The following LHFPL2 variants were observed in gnomAD, a reference collection of about 807,000 sequenced individuals.
The protein encoded by LHFPL2 is LHFPL tetraspan subfamily member 2, also known as LHFPL tetraspan subfamily member 2 protein.
In LHFPL2, 7 loss-of-function variants were observed where a neutral mutation model predicts 17.5. The observed-to-expected ratio is 0.40, with a 90% CI of 0.23 to 0.75. LHFPL2 has a LOEUF of 0.75. Ranked by LOEUF, LHFPL2 falls within the 30% of genes least tolerant of loss-of-function variation. The pLI is 0.37. For missense variants in LHFPL2, 241 were observed against 294.8 expected, an observed-to-expected ratio of 0.82 and a Z score of 1.34; for synonymous variants, 134 against 116.2, an observed-to-expected ratio of 1.15 and a Z score of -0.99.
intron 3 of LHFPL2, among the ~76,000 whole-genome samples, chr5:78,533,264 G>A (rs1466065683): frequency 2.0e-5 from 3 of 152,162 alleles, no homozygotes; most frequent in Admixed American, 1.3e-4. Context: ...TAGAGGCTGA[G>A]GAGCACTGAA....
chr5:78,586,606 T>A (rs1428107823), intron 2 of LHFPL2, among the ~76,000 whole-genome samples: 1 of 152,144 alleles, frequency 6.6e-6, no homozygotes, highest in Non-Finnish European at 1.5e-5. Context: ...CTTGGCATGG[T>A]TTCAGTGTCC....
chr5:78,597,512 T>C (rs909801567), intron 2 of LHFPL2, among the ~76,000 whole-genome samples: 1 of 152,178 alleles, frequency 6.6e-6, no homozygotes, highest in African/African-American at 2.4e-5. Flanking sequence ...TGATTCAACA[T>C]GACGTAAGAG....
intron 1 of LHFPL2, among the ~76,000 whole-genome samples, chr5:78,645,592 A>ACACAT (rs71001119): frequency 7.7e-6 from 1 of 130,048 alleles, no homozygotes; most frequent in South Asian, 2.5e-4. Context: ...ACACACACAC[A>ACACAT]TTTTTTTTGA....
At chr5:78,528,233 G>A (rs1372460387) in intron 3 of LHFPL2, among the ~76,000 whole-genome samples, 2 of 152,058 alleles carry the variant, frequency 1.3e-5, no homozygotes, top group East Asian at 1.9e-4. Flanking sequence ...CTCCTTTATC[G>A]CAGGGGTCCC....
At chr5:78,534,820 A>C (rs1204677230) in intron 3 of LHFPL2, among the ~76,000 whole-genome samples, 2 of 152,224 alleles carry the variant, frequency 1.3e-5, no homozygotes, top group Non-Finnish European at 2.9e-5. Flanking sequence ...CCGTCCTGGC[A>C]AAACTCCCCG....
chr5:78,524,630 T>C (rs886265863), intron 3 of LHFPL2, among the ~76,000 whole-genome samples: 1 of 151,460 alleles, frequency 6.6e-6, no homozygotes, highest in African/African-American at 2.4e-5. Context: ...TAGCCCCAGC[T>C]GCTCAGGAGG....
intron 1 of LHFPL2, among the ~76,000 whole-genome samples, chr5:78,639,481 G>A (rs981801891): frequency 1.7e-4 from 26 of 152,304 alleles, no homozygotes; most frequent in African/African-American, 5.8e-4. Flanking sequence ...ATGAATCCAT[G>A]CAGAGTCAGT....
chr5:78,603,602 G>A lies in LHFPL2; in HGVS notation c.-245+28662C>T, dbSNP rs752174955. Reference sequence around the variant, plus strand: ...ATCTACTTAAAGATGTTTGCTGGCCGGGCATGGTGGCCCATGCCTATATTC... The same window carrying A: ...ATCTACTTAAAGATGTTTGCTGGCCAGGCATGGTGGCCCATGCCTATATTC... On this transcript the variant is annotated intron_variant, in intron 2 of 4. Transcript: ENST00000380345. Among the ~76,000 whole-genome samples, 138 of 152,328 alleles carry A rather than the reference G, an allele frequency of 9.1e-4. 2 individuals are homozygous for A. The highest frequency in any genetic ancestry group is 1.9e-3 in the Non-Finnish European group (126 of 68,026).
intron 2 of LHFPL2, among the ~76,000 whole-genome samples, chr5:78,573,391 T>G (rs1050027569): frequency 7.2e-5 from 11 of 152,228 alleles, no homozygotes; most frequent in African/African-American, 2.7e-4. Flanking sequence ...GTGGTTAGCT[T>G]TTAAGTTTGC....
intron 2 of LHFPL2, among the ~76,000 whole-genome samples, chr5:78,572,498 GTATATATATATATACACACACA>G (rs1757026227): frequency 2.0e-5 from 3 of 146,996 alleles, no homozygotes; most frequent in Admixed American, 6.8e-5. Flanking sequence ...ATATATGTGT[GTATATATATATATACACACACA>G]TATATATATA....
chr5:78,634,566 G>A (rs1054756083), intron 1 of LHFPL2, among the ~76,000 whole-genome samples: 1 of 152,196 alleles, frequency 6.6e-6, no homozygotes, highest in Admixed American at 6.5e-5. Flanking sequence ...AACGATCATG[G>A]CTCTTCCACC....
At chr5:78,528,616 T>C (rs1755690674) in intron 3 of LHFPL2, among the ~76,000 whole-genome samples, 1 of 152,234 alleles carries the variant, frequency 6.6e-6, no homozygotes, top group South Asian at 2.1e-4. Context: ...GGTTATAGAA[T>C]GTGTTTCTGC....
chr5:78,635,404 G>A (rs935765794), intron 1 of LHFPL2, among the ~76,000 whole-genome samples: 1 of 152,160 alleles, frequency 6.6e-6, no homozygotes, highest in South Asian at 2.1e-4. Flanking sequence ...AGGGAAAAGG[G>A]ATGGTTTCTG....
chr5:78,626,910 A>G (rs895930976), intron 2 of LHFPL2, among the ~76,000 whole-genome samples: 8 of 151,922 alleles, frequency 5.3e-5, no homozygotes, highest in Middle Eastern at 3.4e-3. Flanking sequence ...GTGAAACCCC[A>G]TCTCTACTAA....
chr5:78,488,897 C>G lies in LHFPL2; in HGVS notation c.687G>C (p.Ter229TyrextTer12). 6.2e-7 allele frequency: 1 copy of G among 1,613,856 alleles called. No homozygotes were observed. The highest frequency in any genetic ancestry group is 8.5e-7 in the Non-Finnish European group (1 of 1,179,856). Residue 229 changes from the stop codon to tyrosine (Y), a stop_lost, in exon 5 of 5, where the codon TAG becomes TAC. Transcript: ENST00000380345. The part of the protein sequence containing the change: ...EEGKNLICLL[*>Y] ...AGAAAATGGCATTGTCTCTTCCAAA[C>G]TAAAGGAGGCAGATCAGATTTTTCC... is the stretch of plus-strand genomic sequence containing the variant.
chr5:78,505,548 C>A lies in LHFPL2; in HGVS notation c.430+4236G>T, dbSNP rs1024794156. Among the ~76,000 whole-genome samples, 5 of 152,114 alleles carry A rather than the reference C, an allele frequency of 3.3e-5. No individual in the cohort carries two copies. The East Asian group carries it at 9.6e-4, about 29-fold the overall frequency. ...TTTTAAAAAAATGATCTGAGGACAC[C>A]CCTGGTTACACCAAAGCCACAGGAC... On this transcript the variant is annotated intron_variant, in intron 4 of 4. Transcript: ENST00000380345.
intron 2 of LHFPL2, among the ~76,000 whole-genome samples, chr5:78,581,591 T>A (rs1743143367): frequency 6.6e-6 from 1 of 152,216 alleles, no homozygotes; most frequent in Non-Finnish European, 1.5e-5. Context: ...CTGGATTACA[T>A]TTATTGATTT....
chr5:78,567,665 T>C (rs1438341367), intron 2 of LHFPL2, among the ~76,000 whole-genome samples: 2 of 152,188 alleles, frequency 1.3e-5, no homozygotes, highest in Non-Finnish European at 2.9e-5. Flanking sequence ...TTATCCCATT[T>C]TAAGGATGAG....
At chr5:78,579,927 G>C (rs565197441) in intron 2 of LHFPL2, among the ~76,000 whole-genome samples, 1 of 152,208 alleles carries the variant, frequency 6.6e-6, no homozygotes, top group African/African-American at 2.4e-5. Context: ...TCGCCACACT[G>C]ACTTCCACAA....
Sources: gnomAD v4.1 joint callset for allele counts (sites outside exome capture counted in the v4.1 genomes callset) on GRCh38, gnomAD v4.1.1 for gene constraint, MANE v1.5 for transcripts, NCBI Gene and HGNC (gene_info 2026-07-23, HGNC 2026-07-21) for gene names.